Variants in CBX3 observed in about 807,000 individuals in gnomAD.
The protein encoded by CBX3 is chromobox protein homolog 3.
CBX3 carries 5 observed loss-of-function variants against 22.6 expected under a neutral mutation model. The ratio of observed to expected loss-of-function variants is 0.22; its 90% CI spans 0.12 to 0.47. The LOEUF (loss-of-function observed/expected upper bound fraction) is 0.47. Among genes scored for constraint, CBX3 ranks in the 20% least tolerant of loss-of-function variants. The pLI is 0.99. For synonymous variants in CBX3, 50 were observed against 66.6 expected (o/e 0.75, Z 1.21); for missense variants, 83 against 208.1 (o/e 0.40, Z 3.70).
chr7:26,205,250 G>C (rs1424178107), intron 2 of CBX3, among the ~76,000 whole-genome samples: 2 of 152,086 alleles, frequency 1.3e-5, no homozygotes, highest in African/African-American at 4.8e-5. Flanking sequence ...CCATTGGAAA[G>C]AGCTGGTTCA....
chr7:26,202,950 A>AATTT, intron 1 of CBX3, 21 bp from the exon 2 acceptor site: 1 of 1,498,522 alleles, frequency 6.7e-7, no homozygotes, highest in Non-Finnish European at 9.2e-7. Context: ...AACTTACCTT[A>AATTT]ACTGTCATGC....
chr7:26,208,393 T>C lies in CBX3; in HGVS notation c.168T>C (p.Asp56=), dbSNP rs1246824930. ...EYFLKWKGFT[D]ADNTWEPEEN... is the part of the protein sequence containing the mutation. ...TTTTTTTTTAATAAACTAAACACAGTGCTGACAATACTTGGGAACCTGAAG... is the reference window on the plus strand; with the variant it reads ...TTTTTTTTTAATAAACTAAACACAGCGCTGACAATACTTGGGAACCTGAAG... The change falls in exon 4 of 6, where the codon GAT becomes GAC. Residue 56 remains aspartate, a splice_region_variant and synonymous_variant. Coordinates refer to ENST00000396386, the MANE Select transcript of CBX3 (RefSeq NM_016587.4). The C allele has an allele frequency of 6.2e-7, 1 of 1,601,822 alleles. No homozygotes were observed. Among genetic ancestry groups the C allele is most frequent in the Admixed American group, 1.7e-5 (1 of 58,928 alleles).
chr7:26,203,368 T>C (rs1010862658), intron 2 of CBX3, among the ~76,000 whole-genome samples: 2 of 152,204 alleles, frequency 1.3e-5, no homozygotes, highest in African/African-American at 4.8e-5. Context: ...TAATTTTTCT[T>C]AAATCCCCAG....
At chr7:26,207,464 C>T (rs1211678456) in intron 3 of CBX3, among the ~76,000 whole-genome samples, 1 of 152,182 alleles carries the variant, frequency 6.6e-6, no homozygotes, top group Non-Finnish European at 1.5e-5. Context: ...CTTAAGGCCA[C>T]TAGCATGATT....
In CBX3 at chr7:26,203,029, T is replaced by A. The variant is rs1784586520; in HGVS notation, c.24+7T>A. ...CTCCAACAAAACTACATTGGTAAGT[T>A]AATGAAAACCTAAAATATGTAAGGA... On this transcript the variant is annotated splice_region_variant and intron_variant, in intron 2 of 5. Coordinates refer to ENST00000396386, the MANE Select transcript of CBX3 (RefSeq NM_016587.4). 8 of 1,510,496 alleles carry A rather than the reference T, an allele frequency of 5.3e-6. No individual in the cohort carries two copies. The highest frequency in any genetic ancestry group is 7.1e-6 in the Non-Finnish European group (8 of 1,120,564). 93.6% of individuals were successfully genotyped at this position (1,510,496 alleles called of 1,614,324 possible).
intron 3 of CBX3, among the ~76,000 whole-genome samples, chr7:26,206,832 C>G (rs959496950): frequency 3.9e-5 from 6 of 152,160 alleles, no homozygotes. Context: ...TTTTCCTCCA[C>G]ACAGAGGGTG....
Position 26,208,398 on chromosome 7 carries a change from A to G in CBX3, c.173A>G (p.Asp58Gly). 6.2e-7 allele frequency: 1 copy of G among 1,607,108 alleles called. No individual in the cohort carries two copies. Among genetic ancestry groups the G allele is most frequent in the Non-Finnish European group, 8.5e-7 (1 of 1,175,816 alleles). Residue 58 changes from aspartate (D) to glycine (G), a missense_variant, in exon 4 of 6, where the codon GAC (aspartate) becomes GGC (glycine). Asp to Gly is a moderately conservative substitution (Grantham distance 94). Transcript: ENST00000396386. ...TTTTAATAAACTAAACACAGTGCTGACAATACTTGGGAACCTGAAGAAAAT... is the reference window on the plus strand; with the variant it reads ...TTTTAATAAACTAAACACAGTGCTGGCAATACTTGGGAACCTGAAGAAAAT... Reference protein sequence around the residue: ...FLKWKGFTDADNTWEPEENLD... With the variant: ...FLKWKGFTDAGNTWEPEENLD...
intron 3 of CBX3, among the ~76,000 whole-genome samples, chr7:26,207,381 A>C (rs960987475): frequency 1.3e-5 from 2 of 152,224 alleles, no homozygotes; most frequent in African/African-American, 4.8e-5. Context: ...TATTAAGCCC[A>C]TGAAACATGA....
chr7:26,212,582 T>TG lies in CBX3; in HGVS notation c.*374_*375insG, dbSNP rs1554340734. 326 of 109,094 alleles carry TG rather than the reference T, an allele frequency of 3.0e-3. No individual in the cohort carries two copies. Among genetic ancestry groups the TG allele is most frequent in the Middle Eastern group, 9.3e-3 (2 of 216 alleles). The allele number at this position is 109,094 out of a possible 1,614,324, so 6.8% of individuals were successfully genotyped here. On this transcript the variant is annotated 3_prime_UTR_variant, in exon 6 of 6. Coordinates refer to ENST00000396386, the MANE Select transcript of CBX3 (RefSeq NM_016587.4). ...CCATTCTAGATTTATTACGTGTTTT[T>TG]TGTGTGTGTGTGTGTGTGTGTGTGT...
Position 26,207,715 on chromosome 7 carries a change from A to G in CBX3, c.168-678A>G, listed in dbSNP as rs112412904. Among the ~76,000 whole-genome samples the G allele has an allele frequency of 7.3e-3, 1,115 of 151,932 alleles. 15 individuals carry two copies. Among genetic ancestry groups the G allele is most frequent in the African/African-American group, 0.026 (1,068 of 41,460 alleles). On this transcript the variant is annotated intron_variant, in intron 3 of 5. Coordinates refer to ENST00000396386, the MANE Select transcript of CBX3 (RefSeq NM_016587.4). ...TGTATTTTAGCAGAGACCGGGTTTC[A>G]CCATGTTGGTCAGGCTGATCCCAAA... is the stretch of plus-strand genomic sequence containing the variant.
intron 2 of CBX3, 72 bp from the exon 3 acceptor site, chr7:26,206,296 G>T: frequency 1.1e-6 from 1 of 933,656 alleles, no homozygotes. Flanking sequence ...AATAATATAA[G>T]CAATTGAGCC....
chr7:26,203,044 A>G, intron 2 of CBX3, 22 bp downstream of exon 2: 1 of 1,576,858 alleles, frequency 6.3e-7, no homozygotes, highest in Non-Finnish European at 8.7e-7. Flanking sequence ...AAAACCTAAA[A>G]TATGTAAGGA....
chr7:26,208,917 C>CT (rs59657982), intron 4 of CBX3, among the ~76,000 whole-genome samples: 477 of 27,930 alleles, frequency 0.017, 163 homozygotes, highest in African/African-American at 0.02. Flanking sequence ...CACGCCTGGC[C>CT]TTTTTTTTTT....
At chr7:26,207,372 A>C (rs749494516) in intron 3 of CBX3, among the ~76,000 whole-genome samples, 29 of 152,170 alleles carry the variant, frequency 1.9e-4, no homozygotes, top group Non-Finnish European at 3.5e-4. Flanking sequence ...TCCCTTCTTT[A>C]TTAAGCCCAT....
Position 26,208,511 on chromosome 7 carries a change from G to A in CBX3, c.286G>A (p.Asp96Asn). ...TGGTACAAAAAGAAAATCTTTATCT[G>A]ACAGTGAATCTGATGACAGCAAATC... Reference protein sequence around the residue: ...KDGTKRKSLSDSESDDSKSKK... With the variant: ...KDGTKRKSLSNSESDDSKSKK... Residue 96 changes from aspartate (D) to asparagine (N), a missense_variant, in exon 4 of 6, where the codon GAC becomes AAC. By Grantham distance (23) the Asp-to-Asn change is conservative. Transcript: ENST00000396386. The A allele has an allele frequency of 6.2e-7, 1 of 1,613,890 alleles. No homozygotes were observed. The highest frequency in any genetic ancestry group is 8.5e-7 in the Non-Finnish European group (1 of 1,179,812).
At chr7:26,210,707 A>G (rs964540158) in intron 4 of CBX3, 1 of 152,248 alleles carries the variant, frequency 6.6e-6, no homozygotes. Context: ...AAATTAAAAC[A>G]AATTTCTAAA....
intron 2 of CBX3, chr7:26,206,053 G>A (rs912714393): frequency 4.2e-6 from 1 of 238,620 alleles, no homozygotes; most frequent in South Asian, 5.4e-5. Flanking sequence ...TCACGCCACT[G>A]CACTCCAGCC....
intron 5 of CBX3, 28 bp downstream of exon 5, chr7:26,211,784 AAAGT>A: frequency 6.8e-7 from 1 of 1,479,874 alleles, no homozygotes. Flanking sequence ...GTTACATTTG[AAAGT>A]AAGAGTAGCT....
chr7:26,207,121 C>T (rs965173488), intron 3 of CBX3, among the ~76,000 whole-genome samples: 4 of 152,138 alleles, frequency 2.6e-5, no homozygotes, highest in African/African-American at 9.7e-5. Context: ...CCCCTTACAC[C>T]ACAAAGCTCC....
Sources: gnomAD v4.1 joint callset for allele counts (sites outside exome capture counted in the v4.1 genomes callset) on GRCh38, gnomAD v4.1.1 for gene constraint, MANE v1.5 for transcripts, NCBI Gene and HGNC (gene_info 2026-07-23, HGNC 2026-07-21) for gene names.